BBS9: variants seen among roughly 807,000 people sequenced by gnomAD.
BBS9 encodes protein PTHB1.
Under a neutral mutation model 117.7 loss-of-function variants are expected in BBS9, and 89 were observed. That is an observed-to-expected ratio of 0.76 (90% CI 0.64 to 0.90). The LOEUF (loss-of-function observed/expected upper bound fraction) is 0.90, where lower values mean the gene tolerates loss of function less well. BBS9 is among the 40% of genes least tolerant of loss of function. The pLI is 0.00. For synonymous variants in BBS9, 379 were observed against 370.9 expected (o/e 1.02, Z -0.25); for missense variants, 982 against 1,042.2 (o/e 0.94, Z 0.80).
chr7:33,184,539 A>T (rs561467280), intron 5 of BBS9, among the ~76,000 whole-genome samples: 16 of 152,190 alleles, frequency 1.1e-4, no homozygotes, highest in Non-Finnish European at 2.2e-4. Context: ...TTTGTCGAGA[A>T]TCCTTACTTT....
At chr7:33,503,061 T>A (rs1845659576) in intron 19 of BBS9, among the ~76,000 whole-genome samples, 1 of 152,244 alleles carries the variant, frequency 6.6e-6, no homozygotes, top group Non-Finnish European at 1.5e-5. Flanking sequence ...ATTTTACCAT[T>A]AATCGTTACA....
intron 5 of BBS9, among the ~76,000 whole-genome samples, chr7:33,197,750 A>G (rs1469547469): frequency 1.3e-5 from 2 of 151,998 alleles, no homozygotes. Context: ...TATGTGGACA[A>G]TACAAAAATA....
rs1810038708 is a variant in BBS9 at position 33,314,482 on chromosome 7, T to C, written c.1017-21959T>C. The C allele has an allele frequency of 1.4e-5, 3 of 211,272 alleles. No individual in the cohort carries two copies. The South Asian group carries it at 2.2e-4, about 15-fold the overall frequency. 13.1% of individuals were successfully genotyped at this position (211,272 alleles called of 1,614,324 possible). A position where few individuals can be genotyped will look rare whatever the true frequency, so the allele number is the denominator to read the frequency against. On this transcript the variant is annotated intron_variant, in intron 9 of 22. Transcript: ENST00000242067. ...ATTAGAAGGAATAGGGAAGGAATAT[T>C]ACATGACTGTAAAAGAGTTGGTTAT... is the stretch of plus-strand genomic sequence containing the variant.
At chr7:33,588,600 G>A (rs1861353255) in intron 21 of BBS9, among the ~76,000 whole-genome samples, 1 of 152,110 alleles carries the variant, frequency 6.6e-6, no homozygotes, top group Admixed American at 6.6e-5. Context: ...TGATAAATAA[G>A]TGAACTATGT....
At chr7:33,308,301 C>G (rs930231602) in intron 9 of BBS9, among the ~76,000 whole-genome samples, 6 of 152,124 alleles carry the variant, frequency 3.9e-5, no homozygotes, top group African/African-American at 1.4e-4. Context: ...CCGCTTCTCT[C>G]TTTAGAGAAC....
intron 19 of BBS9, among the ~76,000 whole-genome samples, chr7:33,413,771 C>T (rs946230583): frequency 6.6e-6 from 1 of 152,166 alleles, no homozygotes; most frequent in African/African-American, 2.4e-5. Flanking sequence ...CCTGTAATCC[C>T]AGCATTTTGG....
chr7:33,353,889 C>T (rs1819148729), intron 15 of BBS9, among the ~76,000 whole-genome samples: 1 of 151,902 alleles, frequency 6.6e-6, no homozygotes, highest in South Asian at 2.1e-4. Context: ...GAATTTGGGT[C>T]ATTAAAAAAT....
At chr7:33,393,304 T>A (rs1044730990) in intron 19 of BBS9, among the ~76,000 whole-genome samples, 1 of 152,236 alleles carries the variant, frequency 6.6e-6, no homozygotes, top group African/African-American at 2.4e-5. Flanking sequence ...CTTTGAAGGA[T>A]GGAATCTATT....
intron 5 of BBS9, among the ~76,000 whole-genome samples, chr7:33,235,409 TGAGAATTTTGAACTTGGGA>T (rs1451594888): frequency 1.3e-5 from 2 of 152,152 alleles, no homozygotes; most frequent in Non-Finnish European, 2.9e-5. Flanking sequence ...TTTTAAGCAA[TGAGAATTTTGAACTTGGGA>T]GTAGAGTTTT....
chr7:33,632,703 G>T (rs1375531474), intron 21 of BBS9, among the ~76,000 whole-genome samples: 2 of 150,874 alleles, frequency 1.3e-5, no homozygotes, highest in Admixed American at 1.3e-4. Context: ...GCCAGTCTCC[G>T]CAGTAAAGGA....
intron 5 of BBS9, among the ~76,000 whole-genome samples, chr7:33,255,006 A>T (rs769349142): frequency 7.2e-6 from 1 of 139,600 alleles, no homozygotes; most frequent in East Asian, 1.9e-4. Flanking sequence ...GAATTGGTTT[A>T]TTTGTTTTTT....
At chr7:33,574,646 G>A (rs964265975) in intron 21 of BBS9, among the ~76,000 whole-genome samples, 1 of 149,364 alleles carries the variant, frequency 6.7e-6, no homozygotes, top group African/African-American at 2.4e-5. Context: ...CTGATACAGG[G>A]AAGAATAAGT....
chr7:33,130,054 G>A lies in BBS9; in HGVS notation c.-12+13G>A, dbSNP rs1041931570. The A allele has an allele frequency of 1.3e-5, 2 of 152,204 alleles. No individual in the cohort carries two copies. Among genetic ancestry groups the A allele is most frequent in the Non-Finnish European group, 2.9e-5 (2 of 68,036 alleles). 9.4% of individuals were successfully genotyped at this position (152,204 alleles called of 1,614,324 possible). On this transcript the variant is annotated intron_variant, in intron 1 of 22. Transcript: ENST00000242067. ...GACGTGGCATCAGGTAAGATGGTAT[G>A]TCTGTTGTTAAACTTCGGGTACATG...
chr7:33,130,919 A>G lies in BBS9; in HGVS notation c.-12+878A>G, dbSNP rs193149028. ...ACTTCTTGATAGAAATGCTCACTGA[A>G]GGGAAAAAATCCAACAGCAATAGTA... On this transcript the variant is annotated intron_variant, in intron 1 of 22. Transcript: ENST00000242067. Among the ~76,000 whole-genome samples, 420 of 152,312 alleles carry G rather than the reference A, an allele frequency of 2.8e-3. 1 individual carries two copies. Among genetic ancestry groups the G allele is most frequent in the African/African-American group, 8.8e-3 (365 of 41,580 alleles).
At chr7:33,503,109 CAT>C (rs1462224890) in intron 19 of BBS9, among the ~76,000 whole-genome samples, 9 of 152,156 alleles carry the variant, frequency 5.9e-5, no homozygotes, top group Non-Finnish European at 1.3e-4. Flanking sequence ...GCATTTAACT[CAT>C]GAGTGCACAT....
chr7:33,293,750 A>G (rs529332634), intron 9 of BBS9, among the ~76,000 whole-genome samples: 1 of 152,318 alleles, frequency 6.6e-6, no homozygotes, highest in South Asian at 2.1e-4. Flanking sequence ...TAGTTAAATC[A>G]TAGAGATTCC....
intron 9 of BBS9, among the ~76,000 whole-genome samples, chr7:33,308,221 A>G (rs1427506169): frequency 6.6e-6 from 1 of 152,208 alleles, no homozygotes; most frequent in Non-Finnish European, 1.5e-5. Flanking sequence ...AAGGGTCTGC[A>G]GCATCTGCTG....
intron 20 of BBS9, among the ~76,000 whole-genome samples, chr7:33,530,045 T>C (rs1050435604): frequency 3.5e-4 from 54 of 152,206 alleles, no homozygotes; most frequent in African/African-American, 1.3e-3. Flanking sequence ...GATTCCACAG[T>C]TTTATTTCAT....
intron 9 of BBS9, among the ~76,000 whole-genome samples, chr7:33,289,993 C>T (rs1803682502): frequency 2.6e-5 from 4 of 151,662 alleles, no homozygotes; most frequent in African/African-American, 9.7e-5. Context: ...TCGCAGTGAG[C>T]CGAGAGTGCA....
Sources: gnomAD v4.1 joint callset for allele counts (sites outside exome capture counted in the v4.1 genomes callset) on GRCh38, gnomAD v4.1.1 for gene constraint, MANE v1.5 for transcripts, NCBI Gene and HGNC (gene_info 2026-07-23, HGNC 2026-07-21) for gene names.